The following EXOSC10 variants were observed in gnomAD, a reference collection of about 807,000 sequenced individuals.
The protein encoded by EXOSC10 is exosome complex component 10.
In EXOSC10, 94 loss-of-function variants were observed where a neutral mutation model predicts 126.6. The observed-to-expected ratio is 0.74, with a 90% CI of 0.63 to 0.88. EXOSC10 has a LOEUF of 0.88. Among genes scored for constraint, EXOSC10 ranks in the 40% least tolerant of loss-of-function variants. EXOSC10 has a pLI of 0.00. For missense variants in EXOSC10, 1,041 were observed against 1,100.5 expected, an observed-to-expected ratio of 0.95 and a Z score of 0.77; for synonymous variants, 395 against 400.8, an observed-to-expected ratio of 0.99 and a Z score of 0.17.
Position 11,087,872 on chromosome 1 carries a change from T to C in EXOSC10, c.873A>G (p.Ile291Met), listed in dbSNP as rs771967671. 1 of 1,613,568 alleles carries C rather than the reference T, an allele frequency of 6.2e-7. No homozygotes were observed. The highest frequency in any genetic ancestry group is 1.7e-5 in the Admixed American group (1 of 59,966). Residue 291 changes from isoleucine (I) to methionine (M), a missense_variant, in exon 8 of 25, where the codon ATA becomes ATG. By Grantham distance (10) the Ile-to-Met change is conservative (BLOSUM62 1). This residue lies in a region of EXOSC10 where 645 missense variants were observed against 656.3 expected (regional missense o/e 0.98). Coordinates refer to ENST00000376936, the MANE Select transcript of EXOSC10 (RefSeq NM_001001998.3). Reference sequence around the variant, plus strand: ...GTTCCACGAGTTCATCCAGGGAGGATATGAAATGGCATGGTGTCTCTTCTA... The same window carrying C: ...GTTCCACGAGTTCATCCAGGGAGGACATGAAATGGCATGGTGTCTCTTCTA... ...RPIEETPCHF[I>M]SSLDELVELN...
In EXOSC10 at chr1:11,078,605, G is replaced by C. The variant is rs531395302; in HGVS notation, c.1750-954C>G. On this transcript the variant is annotated intron_variant, in intron 14 of 24. Transcript: ENST00000376936. ...ACAACAAAAAAAACAAAAGAAAACT[G>C]GCTGCCATTGTCAGCATTTGCTACG... is the stretch of plus-strand genomic sequence containing the variant. 8.5e-5 allele frequency among the ~76,000 whole-genome samples: 13 copies of C among 152,222 alleles called. No homozygotes were observed. The South Asian group carries it at 1.7e-3, about 19-fold the overall frequency.
chr1:11,074,340 C>CA lies in EXOSC10; in HGVS notation c.1987-15dup, dbSNP rs1051835596. On this transcript the variant is annotated splice_polypyrimidine_tract_variant and intron_variant, in intron 17 of 24. Transcript: ENST00000376936. Reference sequence around the variant, plus strand: ...AGCACTAGGTTCCTGCAGGGACAGACAAAAAACGATCACTAATGACCATGA... The same window carrying CA: ...AGCACTAGGTTCCTGCAGGGACAGACAAAAAAACGATCACTAATGACCATGA... 8.9e-6 allele frequency: 14 copies of CA among 1,575,054 alleles called. No homozygotes were observed. In the African/African-American group the frequency reaches 1.8e-4, roughly 20 times the overall value.
At chr1:11,080,605 C>CACAT (rs1640107790) in intron 12 of EXOSC10, 56 bp from the exon 13 acceptor site, 1 of 1,395,804 alleles carries the variant, frequency 7.2e-7, no homozygotes, top group Admixed American at 2.1e-5. Flanking sequence ...CACACACACA[C>CACAT]GGTGGGGACA....
chr1:11,080,566 ACACACACAC>A lies in EXOSC10; in HGVS notation c.1587-26_1587-18del, dbSNP rs1570815497. On this transcript the variant is annotated intron_variant, in intron 12 of 24. Coordinates refer to ENST00000376936, the MANE Select transcript of EXOSC10 (RefSeq NM_001001998.3). ...AGTACATATCTGGAAAAAAAAAAACACACACACACACACACACACACACACACACACACA... is the reference window on the plus strand; with the variant it reads ...AGTACATATCTGGAAAAAAAAAAACAACACACACACACACACACACACACA... 320 of 1,185,252 alleles carry A rather than the reference ACACACACAC, an allele frequency of 2.7e-4. No individual in the cohort carries two copies. Among genetic ancestry groups the A allele is most frequent in the East Asian group, 3.2e-4 (11 of 34,548 alleles). 73.4% of individuals were successfully genotyped at this position (1,185,252 alleles called of 1,614,324 possible). A position where few individuals can be genotyped will look rare whatever the true frequency, so the allele number is the denominator to read the frequency against.
At chr1:11,076,183 A>G (rs1253308966) in intron 17 of EXOSC10, among the ~76,000 whole-genome samples, 1 of 151,730 alleles carries the variant, frequency 6.6e-6, no homozygotes, top group African/African-American at 2.4e-5. Context: ...CAAACCAAAC[A>G]AACAAAAAAA....
chr1:11,076,970 A>G, intron 16 of EXOSC10, 22 bp from the exon 17 acceptor site: 2 of 1,572,584 alleles, frequency 1.3e-6, no homozygotes, highest in Non-Finnish European at 8.7e-7. Flanking sequence ...GAAGATAGTA[A>G]GGTCAAAGCC....
chr1:11,098,572 C>T (rs1020065507), intron 1 of EXOSC10, among the ~76,000 whole-genome samples: 1 of 152,204 alleles, frequency 6.6e-6, no homozygotes, highest in African/African-American at 2.4e-5. Context: ...AATAAAAGCA[C>T]TTAGGACAGT....
At chr1:11,067,289 G>C (rs367697215) in intron 24 of EXOSC10, among the ~76,000 whole-genome samples, 1 of 152,168 alleles carries the variant, frequency 6.6e-6, no homozygotes, top group Non-Finnish European at 1.5e-5. Flanking sequence ...AAAATTAGCC[G>C]GGCATCATGG....
Position 11,072,005 on chromosome 1 carries a change from G to GT in EXOSC10, c.2242+81dup, listed in dbSNP as rs561857607. ...CCCCACAGGGGCTTCATTCATCGCC[G>GT]TATCTGGCACTTGGCTGAAACAGCG... On this transcript the variant is annotated intron_variant, in intron 20 of 24. Coordinates refer to ENST00000376936, the MANE Select transcript of EXOSC10 (RefSeq NM_001001998.3). 534 of 1,143,410 alleles carry GT rather than the reference G, an allele frequency of 4.7e-4. 8 individuals carry two copies. In the South Asian group the frequency reaches 6.0e-3, roughly 13 times the overall value. The allele number at this position is 1,143,410 out of a possible 1,614,324, so 70.8% of individuals were successfully genotyped here.
chr1:11,096,384 G>T (rs1307042447), intron 2 of EXOSC10, among the ~76,000 whole-genome samples: 4 of 151,472 alleles, frequency 2.6e-5, no homozygotes. Context: ...CTCTTGACCT[G>T]AAGTGATCCA....
intron 23 of EXOSC10, 76 bp from the exon 24 acceptor site, chr1:11,068,160 A>T: frequency 8.6e-7 from 1 of 1,161,652 alleles, no homozygotes; most frequent in Non-Finnish European, 1.3e-6. Flanking sequence ...ACCTGAGCTC[A>T]GGTGGCCAAA....
intron 9 of EXOSC10, among the ~76,000 whole-genome samples, chr1:11,084,042 G>A (rs1196217597): frequency 6.6e-6 from 1 of 152,166 alleles, no homozygotes; most frequent in African/African-American, 2.4e-5. Flanking sequence ...GGACATTTGG[G>A]TTGGTTCCAA....
chr1:11,090,404 C>G (rs1408552163), intron 6 of EXOSC10, 150 bp downstream of exon 6: 1 of 706,684 alleles, frequency 1.4e-6, no homozygotes, highest in Non-Finnish European at 2.6e-6. Flanking sequence ...TGAACACAAA[C>G]AGCAGGTTTT....
chr1:11,088,837 A>C (rs1311497936), intron 6 of EXOSC10, among the ~76,000 whole-genome samples: 1 of 152,226 alleles, frequency 6.6e-6, no homozygotes, highest in Non-Finnish European at 1.5e-5. Context: ...GCATTATATT[A>C]AAGGCAAAGT....
Position 11,095,775 on chromosome 1 carries a change from C to T in EXOSC10, c.355G>A (p.Val119Ile), listed in dbSNP as rs1641049588. The change falls in exon 3 of 25, where the codon GTA (valine) becomes ATA (isoleucine). Residue 119 changes from valine to isoleucine, a missense_variant. Transcript: ENST00000376936. ...KFDLLVDAND[V>I]ILERVGILLD... is the part of the protein sequence containing the mutation. ...ATACTCACCACTCTCTCCAGAATTA[C>T]ATCATTGGCATCAACTAGTAAATCA... 1.2e-6 allele frequency: 2 copies of T among 1,613,968 alleles called. No individual in the cohort carries two copies. The highest frequency in any genetic ancestry group is 1.3e-5 in the African/African-American group (1 of 74,934).
chr1:11,077,481 G>A (rs200921274), intron 15 of EXOSC10, 38 bp from the exon 16 acceptor site: 37 of 1,600,718 alleles, frequency 2.3e-5, no homozygotes, highest in Admixed American at 1.0e-4. Context: ...CATGTAAAAC[G>A]TGCAAGCCGG....
intron 21 of EXOSC10, 58 bp downstream of exon 21, chr1:11,070,842 C>T (rs1639441216): frequency 9.4e-6 from 14 of 1,485,718 alleles, no homozygotes; most frequent in Non-Finnish European, 1.3e-5. Flanking sequence ...AAGGAAGATC[C>T]TGACCACAAG....
chr1:11,091,312 G>A, intron 4 of EXOSC10, 133 bp from the exon 5 acceptor site: 1 of 994,412 alleles, frequency 1.0e-6, no homozygotes, highest in Non-Finnish European at 1.5e-6. Context: ...GTATGTGCAT[G>A]TAGAGGTCTC....
chr1:11,091,240 T>C, intron 4 of EXOSC10, 61 bp from the exon 5 acceptor site: 1 of 1,492,142 alleles, frequency 6.7e-7, no homozygotes, highest in South Asian at 1.2e-5. Context: ...GAAAAGTAAA[T>C]TCCAATTTAT....
Sources: allele counts gnomAD v4.1 joint callset (sites outside exome capture counted in the v4.1 genomes callset), GRCh38; gene constraint gnomAD v4.1.1; regional missense constraint gnomAD v4.1.1; transcripts MANE v1.5; gene names NCBI Gene and HGNC (gene_info 2026-07-23, HGNC 2026-07-21).